The following SMCO2 variants were observed in gnomAD, a reference collection of about 807,000 sequenced individuals.
SMCO2 encodes single-pass membrane protein with coiled-coil domains 2.
SMCO2 carries 25 observed loss-of-function variants against 29.5 expected under a neutral mutation model. That is an observed-to-expected ratio of 0.85 (90% CI 0.62 to 1.18). The LOEUF (loss-of-function observed/expected upper bound fraction) is 1.18. Among genes scored for constraint, SMCO2 ranks in the 50% most tolerant of loss-of-function variants. SMCO2 has a pLI of 0.00. For missense variants in SMCO2, 348 were observed against 344.5 expected (o/e 1.01, Z -0.08); for synonymous variants, 117 against 123.3 (o/e 0.95, Z 0.34).
intron 5 of SMCO2, among the ~76,000 whole-genome samples, chr12:27,492,637 C>T (rs1387608455): frequency 2.0e-5 from 3 of 152,200 alleles, no homozygotes; most frequent in African/African-American, 7.2e-5. Context: ...GAGATATCAT[C>T]TCCCACACTG....
rs1056063610 is a variant in SMCO2 at position 27,500,335 on chromosome 12, G to A, written c.684-1588G>A. Among the ~76,000 whole-genome samples the A allele has an allele frequency of 1.3e-4, 19 of 149,928 alleles. 1 individual carries two copies. Among genetic ancestry groups the A allele is most frequent in the African/African-American group, 4.2e-4 (17 of 40,034 alleles). The stretch of plus-strand genomic sequence containing the variant: ...TACCGTAGGACAGAAAAAACTAGAT[G>A]AGTATACTCTAAATGTAGGGAAAAA... On this transcript the variant is annotated intron_variant, in intron 7 of 7. Transcript: ENST00000298876.
At chr12:27,445,132 TA>T in the SMCO2 span, among the ~76,000 whole-genome samples, 4 of 151,936 alleles carry the variant, frequency 2.6e-5, no homozygotes, top group African/African-American at 9.7e-5. Flanking sequence ...ATGTGGGAGC[TA>T]AAAAAAGTGA....
At chr12:27,430,375 T>C in the SMCO2 span, among the ~76,000 whole-genome samples, 4 of 152,210 alleles carry the variant, frequency 2.6e-5, no homozygotes, top group Non-Finnish European at 5.9e-5. Flanking sequence ...GTTCTATATA[T>C]TTTGTTTATA....
chr12:27,494,246 C>T, intron 5 of SMCO2, 54 bp from the exon 7 acceptor site: 1 of 1,208,124 alleles, frequency 8.3e-7, no homozygotes, highest in Non-Finnish European at 1.1e-6. Flanking sequence ...TTTTATTGTA[C>T]AAACCAGAAA....
chr12:27,489,344 C>T (rs1053369893), intron 5 of SMCO2, among the ~76,000 whole-genome samples: 1 of 152,146 alleles, frequency 6.6e-6, no homozygotes, highest in Non-Finnish European at 1.5e-5. Context: ...CTACCGCACC[C>T]AGCCTAATGT....
At chr12:27,439,264 C>A in the SMCO2 span, among the ~76,000 whole-genome samples, 1 of 152,186 alleles carries the variant, frequency 6.6e-6, no homozygotes, top group Non-Finnish European at 1.5e-5. Context: ...TGGGCACGAA[C>A]CCTAGCCAGC....
At chr12:27,456,339 G>A in the SMCO2 span, among the ~76,000 whole-genome samples, 2 of 152,222 alleles carry the variant, frequency 1.3e-5, no homozygotes, top group African/African-American at 4.8e-5. Context: ...GATACCTCTG[G>A]GGTGAGAAGT....
chr12:27,463,875 T>C (rs1215980014), upstream of SMCO2, among the ~76,000 whole-genome samples: 1 of 152,144 alleles, frequency 6.6e-6, no homozygotes, highest in African/African-American at 2.4e-5. Flanking sequence ...GCAGCCCAAA[T>C]GCAGAGTGAA....
At chr12:27,476,958 G>C (rs1260367022) in intron 4 of SMCO2, among the ~76,000 whole-genome samples, 1 of 151,884 alleles carries the variant, frequency 6.6e-6, no homozygotes, top group Non-Finnish European at 1.5e-5. Context: ...ATTGCAGTTT[G>C]ATGGTTTTCT....
In SMCO2 at chr12:27,494,358, T is replaced by C; in HGVS notation, c.507+2T>C. 6.6e-7 allele frequency: 1 copy of C among 1,520,198 alleles called. No individual in the cohort carries two copies. Among genetic ancestry groups the C allele is most frequent in the East Asian group, 2.6e-5 (1 of 38,838 alleles). The allele number at this position is 1,520,198 out of a possible 1,614,324, so 94.2% of individuals were successfully genotyped here. A position where few individuals can be genotyped will look rare whatever the true frequency, so the allele number is the denominator to read the frequency against. On this transcript the variant is annotated splice_donor_variant, in intron 6 of 7. Coordinates refer to ENST00000298876, the Ensembl canonical transcript of SMCO2. LOFTEE classifies it high-confidence loss of function. ...AAGAAAGTCATAGAAAGGCTGGAGG[T>C]AAGATTTCAGTTACACAATTCAAAC...
At chr12:27,493,849 T>C (rs890548572) in intron 5 of SMCO2, 1 of 152,422 alleles carries the variant, frequency 6.6e-6, no homozygotes, top group Non-Finnish European at 1.5e-5. Context: ...GATCTTTTTG[T>C]GGACAGCTCT....
At chr12:27,474,603 C>T (rs1357813244) in intron 3 of SMCO2, among the ~76,000 whole-genome samples, 183 bp from the exon 4 acceptor site, 1 of 152,152 alleles carries the variant, frequency 6.6e-6, no homozygotes, top group African/African-American at 2.4e-5. Flanking sequence ...CCTGCCTCAG[C>T]TTTCCTCTGT....
At chr12:27,453,726 G>T in the SMCO2 span, among the ~76,000 whole-genome samples, 5 of 152,184 alleles carry the variant, frequency 3.3e-5, no homozygotes, top group Non-Finnish European at 7.3e-5. Context: ...CCAGGGAGCT[G>T]AATTCAAGTA....
chr12:27,501,961 T>G, exon 8 of SMCO2: 1 of 1,546,370 alleles, frequency 6.5e-7, no homozygotes, highest in Non-Finnish European at 8.7e-7. Context: ...TTTGATGTCC[T>G]CACCGTCACT....
At chr12:27,444,406 C>T in the SMCO2 span, among the ~76,000 whole-genome samples, 120,180 of 152,132 alleles carry the variant, frequency 0.79, 48,264 homozygotes, top group African/African-American at 0.89. Flanking sequence ...GAAGAAAACA[C>T]AGGGCAAATA....
intron 7 of SMCO2, among the ~76,000 whole-genome samples, chr12:27,500,082 A>T (rs1943058360): frequency 6.6e-6 from 1 of 150,806 alleles, no homozygotes; most frequent in African/African-American, 2.5e-5. Context: ...GAATAAAATT[A>T]TTAGTGACAC....
chr12:27,465,028 C>CAAAAAAAAAA (rs35630976), upstream of SMCO2, among the ~76,000 whole-genome samples: 6 of 60,498 alleles, frequency 9.9e-5, no homozygotes, highest in Middle Eastern at 9.1e-3. Context: ...GACCCTGTCT[C>CAAAAAAAAAA]AAAAAAAAAA....
chr12:27,450,529 T>G, the SMCO2 span, among the ~76,000 whole-genome samples: 1 of 152,216 alleles, frequency 6.6e-6, no homozygotes, highest in African/African-American at 2.4e-5. Flanking sequence ...AAGTTAACAT[T>G]GATTTTACCC....
chr12:27,428,623 C>A, the SMCO2 span, among the ~76,000 whole-genome samples: 1 of 150,706 alleles, frequency 6.6e-6, no homozygotes, highest in Non-Finnish European at 1.5e-5. Flanking sequence ...TTGCTTAAGG[C>A]ATTGTGTGTT....
Sources: gnomAD v4.1 joint callset for allele counts (sites outside exome capture counted in the v4.1 genomes callset) on GRCh38, gnomAD v4.1.1 for gene constraint, MANE v1.5 for transcripts, NCBI Gene and HGNC (gene_info 2026-07-23, HGNC 2026-07-21) for gene names.